OTUD7B: variants seen among roughly 807,000 people sequenced by gnomAD.
OTUD7B encodes the protein OTU deubiquitinase 7B.
A neutral mutation model predicts 82.2 loss-of-function variants in OTUD7B; 34 were observed. That is an observed-to-expected ratio of 0.41 (90% CI 0.31 to 0.55). OTUD7B has a LOEUF of 0.55. OTUD7B is among the 20% of genes least tolerant of loss of function. The pLI, the probability that OTUD7B is intolerant of heterozygous loss-of-function variation, is 0.20. For synonymous variants in OTUD7B, 398 were observed against 402.7 expected (o/e 0.99, Z 0.14); for missense variants, 944 against 1,062.1 (o/e 0.89, Z 1.55).
intron 3 of OTUD7B, among the ~76,000 whole-genome samples, chr1:149,969,524 C>T (rs1649759530): frequency 6.6e-6 from 1 of 152,062 alleles, no homozygotes; most frequent in African/African-American, 2.4e-5. Context: ...CCTGTAATCC[C>T]AACACTTTGG....
At chr1:150,033,260 C>G in the OTUD7B span, among the ~76,000 whole-genome samples, 6 of 151,946 alleles carry the variant, frequency 3.9e-5, no homozygotes, top group African/African-American at 1.2e-4. Context: ...ACTTTTCTGA[C>G]GTTATTGATA....
intron 1 of OTUD7B, among the ~76,000 whole-genome samples, chr1:149,980,373 T>C (rs1267841745): frequency 1.3e-5 from 2 of 151,916 alleles, no homozygotes; most frequent in East Asian, 3.9e-4. Context: ...TCACCACTAA[T>C]ACCTTGCTTA....
At chr1:150,031,474 A>G in the OTUD7B span, among the ~76,000 whole-genome samples, 22 of 152,376 alleles carry the variant, frequency 1.4e-4, no homozygotes, top group East Asian at 3.9e-3. Context: ...GGAGAAGCCA[A>G]AAGAAGCACA....
chr1:149,994,606 A>AAAAAAC (rs1447768451), intron 1 of OTUD7B, among the ~76,000 whole-genome samples: 3 of 96,732 alleles, frequency 3.1e-5, no homozygotes, highest in East Asian at 3.5e-4. Flanking sequence ...AAAAAAAAAA[A>AAAAAAC]CCCAATTTTT....
chr1:150,011,684 C>T (rs918666089), upstream of OTUD7B, among the ~76,000 whole-genome samples: 4 of 152,188 alleles, frequency 2.6e-5, no homozygotes, highest in Non-Finnish European at 5.9e-5. Flanking sequence ...AAACACAAAA[C>T]GATGCCAACC....
chr1:150,065,239 T>C, the OTUD7B span, among the ~76,000 whole-genome samples: 1 of 152,074 alleles, frequency 6.6e-6, no homozygotes, highest in East Asian at 1.9e-4. Flanking sequence ...GCCCAACTAA[T>C]TTTTTGTATT....
In OTUD7B at chr1:149,944,205, G is replaced by A. The variant is rs200925060; in HGVS notation, c.2184C>T (p.Ala728=). Residue 728 remains alanine, a synonymous_variant, in exon 12 of 12, where the codon GCC becomes GCT. Transcript: ENST00000581312. The part of the protein sequence containing the change: ...GPCVGGLPPY[A]TFPRQCPPGR... ...CAGGAGGGCACTGTCTGGGGAAGGT[G>A]GCATATGGTGGTAGGCCCCCGACAC... 20 of 1,613,586 alleles carry A rather than the reference G, an allele frequency of 1.2e-5. No individual in the cohort carries two copies. The highest frequency in any genetic ancestry group is 1.5e-5 in the Non-Finnish European group (18 of 1,179,638).
intron 1 of OTUD7B, among the ~76,000 whole-genome samples, chr1:149,979,631 T>C (rs1222818997): frequency 1.3e-5 from 2 of 152,186 alleles, no homozygotes; most frequent in African/African-American, 2.4e-5. Context: ...ATAAAGAACT[T>C]TTGGTCTAAG....
chr1:150,054,620 C>T, the OTUD7B span: 1 of 361,550 alleles, frequency 2.8e-6, no homozygotes, highest in Non-Finnish European at 5.4e-6. Flanking sequence ...CCAGCACGGC[C>T]AACATGGTGA....
chr1:150,043,658 A>G, the OTUD7B span, among the ~76,000 whole-genome samples: 1 of 152,278 alleles, frequency 6.6e-6, no homozygotes, highest in Admixed American at 6.5e-5. Flanking sequence ...TGATCACTAC[A>G]TTCCCTTGCA....
intron 3 of OTUD7B, among the ~76,000 whole-genome samples, chr1:149,968,999 G>A (rs1355229096): frequency 6.6e-6 from 1 of 152,004 alleles, no homozygotes; most frequent in East Asian, 1.9e-4. Context: ...TTACAGGCGT[G>A]AGCCACCACA....
chr1:149,950,800 T>TTG (rs1436022425), intron 7 of OTUD7B, among the ~76,000 whole-genome samples: 2 of 58,888 alleles, frequency 3.4e-5, no homozygotes, highest in African/African-American at 1.3e-4. Flanking sequence ...TTTTTTTTTC[T>TTG]TTTTTTTTTT....
chr1:149,968,819 T>C (rs1403408840), intron 3 of OTUD7B, among the ~76,000 whole-genome samples: 1 of 152,166 alleles, frequency 6.6e-6, no homozygotes, highest in Non-Finnish European at 1.5e-5. Context: ...CAAGGGATTC[T>C]CCTGCCTCAG....
intron 6 of OTUD7B, among the ~76,000 whole-genome samples, chr1:149,960,413 T>TTTTTTTTTTTTTTTTTTTTTTG (rs1366020859): frequency 2.8e-5 from 2 of 72,566 alleles, no homozygotes; most frequent in Non-Finnish European, 4.9e-5. Flanking sequence ...TTTTTTTTTG[T>TTTTTTTTTTTTTTTTTTTTTTG]AGACAGAGTC....
chr1:149,993,251 G>C (rs1553782602), intron 1 of OTUD7B, among the ~76,000 whole-genome samples: 1 of 152,212 alleles, frequency 6.6e-6, no homozygotes, highest in Non-Finnish European at 1.5e-5. Context: ...CTTCCCCTGA[G>C]GAAGGCCCAC....
intron 1 of OTUD7B, among the ~76,000 whole-genome samples, chr1:149,978,168 T>C (rs1208125342): frequency 6.6e-6 from 1 of 152,140 alleles, no homozygotes; most frequent in East Asian, 1.9e-4. Flanking sequence ...TTGACTAGTG[T>C]TTTGATGCTA....
the OTUD7B span, chr1:150,067,458 C>G: frequency 5.1e-6 from 1 of 197,550 alleles, no homozygotes; most frequent in African/African-American, 2.3e-5. Context: ...TAGCCACACT[C>G]CGTCGTTCCT....
chr1:149,962,541 G>A (rs1649228178), intron 6 of OTUD7B: 1 of 152,232 alleles, frequency 6.6e-6, no homozygotes, highest in Admixed American at 6.5e-5. Flanking sequence ...GCATGTTGGG[G>A]ACTTTCAGAT....
chr1:150,050,590 T>C, the OTUD7B span: 1 of 152,048 alleles, frequency 6.6e-6, no homozygotes, highest in South Asian at 2.1e-4. Flanking sequence ...CTTTAAGAAA[T>C]GAAAAAATAA....
Sources: gnomAD v4.1 joint callset for allele counts (sites outside exome capture counted in the v4.1 genomes callset) on GRCh38, gnomAD v4.1.1 for gene constraint, MANE v1.5 for transcripts, NCBI Gene and HGNC (gene_info 2026-07-23, HGNC 2026-07-21) for gene names.